The following HMCN1 variants were observed in gnomAD, a reference collection of about 807,000 sequenced individuals.
HMCN1 encodes hemicentin-1.
HMCN1 carries 321 observed loss-of-function variants against 625.9 expected under a neutral mutation model. The ratio of observed to expected loss-of-function variants is 0.51; its 90% confidence interval spans 0.47 to 0.56. The LOEUF is 0.56. HMCN1 is among the 20% of genes least tolerant of loss of function. The pLI, the probability that HMCN1 is intolerant of heterozygous loss-of-function variation, is 0.00. For synonymous variants in HMCN1, 2,425 were observed against 2,417.6 expected (o/e 1.00, Z -0.09); for missense variants, 6,588 against 6,887.3 (o/e 0.96, Z 1.54).
chr1:185,784,374 G>A (rs564375364), intron 1 of HMCN1, among the ~76,000 whole-genome samples: 4 of 152,236 alleles, frequency 2.6e-5, no homozygotes, highest in South Asian at 2.1e-4. Context: ...CCCACTGTCC[G>A]ACAAGCCCCA....
intron 68 of HMCN1, among the ~76,000 whole-genome samples, chr1:186,097,397 A>G (rs982706640): frequency 2.0e-5 from 3 of 152,024 alleles, no homozygotes; most frequent in South Asian, 2.1e-4. Flanking sequence ...CTGTGTATCC[A>G]TGGGTTTCTC....
rs374467924 is a variant in HMCN1, at chr1:186,130,687, A to G, written c.13220A>G (p.Tyr4407Cys). Residue 4407 changes from tyrosine to cysteine, a missense_variant, in exon 85 of 107, where the codon TAT becomes TGT. Tyr to Cys is a radical substitution (Grantham distance 194). This residue lies in a region of HMCN1 where 1,954 missense variants were observed against 2,013.1 expected (regional missense o/e 0.97). Transcript: ENST00000271588. ...CTGGGCAATGGCTCCCTGGCCATCT[A>G]TGGCACTGTTGTAAGTCACGCCAGA... ...RQLGNGSLAI[Y>C]GTVNEDAGDY... 4 of 1,612,510 alleles carry G rather than the reference A, an allele frequency of 2.5e-6. No individual in the cohort carries two copies. Among genetic ancestry groups the G allele is most frequent in the South Asian group, 2.2e-5 (2 of 91,040 alleles).
At chr1:186,011,034 G>GT (rs71101982) in intron 30 of HMCN1, among the ~76,000 whole-genome samples, 148,991 of 151,826 alleles carry the variant, frequency 0.98, 73,092 homozygotes, top group East Asian at 1. Flanking sequence ...TCTGCTACTG[G>GT]TTTTTTTTGT....
In HMCN1 at chr1:186,126,436, TGTCAGAAGAAAATAA is replaced by T. The variant is rs1304860476; in HGVS notation, c.12690+655_12690+669del. On this transcript the variant is annotated intron_variant, in intron 82 of 106. Transcript: ENST00000271588. ...AGACAATAAAAATGAAAAATAGTAA[TGTCAGAAGAAAATAA>T]GTCAGAAGAAAAAAGTGGCATGAAA... Among the ~76,000 whole-genome samples, 89 of 151,872 alleles carry T rather than the reference TGTCAGAAGAAAATAA, an allele frequency of 5.9e-4. 1 individual carries two copies. The highest frequency in any genetic ancestry group is 2.1e-3 in the African/African-American group (85 of 41,346).
intron 77 of HMCN1, 68 bp downstream of exon 77, chr1:186,117,691 C>A (rs747584227): frequency 1.5e-5 from 21 of 1,428,036 alleles, no homozygotes; most frequent in Admixed American, 6.7e-5. Context: ...TCTTACCTGG[C>A]CTTTGTTGCA....
rs142817217 is a variant in HMCN1 at position 186,173,387 on chromosome 1, G to A, written c.15815-1127G>A. Reference sequence around the variant, plus strand: ...TTCAGCTCTTACACTATAGATATAGGTCAATACTTTCCTTATCATTTAAGA... The same window carrying A: ...TTCAGCTCTTACACTATAGATATAGATCAATACTTTCCTTATCATTTAAGA... On this transcript the variant is annotated intron_variant, in intron 102 of 106. Coordinates refer to ENST00000271588, the MANE Select transcript of HMCN1 (RefSeq NM_031935.3). Among the ~76,000 whole-genome samples, 245 of 152,068 alleles carry A rather than the reference G, an allele frequency of 1.6e-3. 1 individual carries two copies. Among genetic ancestry groups the A allele is most frequent in the Non-Finnish European group, 2.9e-3 (196 of 67,956 alleles).
chr1:185,983,375 G>A (rs923689393), intron 18 of HMCN1, among the ~76,000 whole-genome samples: 7 of 151,854 alleles, frequency 4.6e-5, no homozygotes, highest in Admixed American at 1.3e-4. Context: ...GCAGTGAGCC[G>A]AGATCGTGCC....
intron 52 of HMCN1, among the ~76,000 whole-genome samples, chr1:186,071,615 A>G (rs1392244606): frequency 6.6e-6 from 1 of 152,220 alleles, no homozygotes; most frequent in South Asian, 2.1e-4. Context: ...TCAGATCATA[A>G]TCATGATTTA....
intron 11 of HMCN1, among the ~76,000 whole-genome samples, chr1:185,958,756 C>T (rs1649800234): frequency 6.6e-6 from 1 of 152,150 alleles, no homozygotes. Context: ...AATTCCAGCT[C>T]CACCTTTGAG....
chr1:186,017,152 A>G (rs968976952), intron 33 of HMCN1, 81 bp downstream of exon 33: 2 of 787,224 alleles, frequency 2.5e-6, no homozygotes, highest in Non-Finnish European at 2.3e-6. Flanking sequence ...GCTGTTCTGT[A>G]TCATTAAAAA....
Position 185,989,617 on chromosome 1 carries a change from G to A in HMCN1, c.3178G>A (p.Ala1060Thr), listed in dbSNP as rs149692259. The A allele has an allele frequency of 2.2e-5, 36 of 1,613,858 alleles. No homozygotes were observed. In the African/African-American group the frequency reaches 2.8e-4, roughly 13 times the overall value. ...CACTGCCACCAATACAGCCGGCTAC[G>A]CCAAAAGGAAAGTGCAGCTAACAGT... ...VCTATNTAGY[A>T]KRKVQLTVYV... The change falls in exon 21 of 107, where the codon GCC (alanine) becomes ACC (threonine). Residue 1060 changes from alanine to threonine, a missense_variant. Transcript: ENST00000271588.
chr1:185,844,250 T>G, intron 1 of HMCN1, among the ~76,000 whole-genome samples: 1 of 152,174 alleles, frequency 6.6e-6, no homozygotes, highest in Admixed American at 6.5e-5. Context: ...TGGGACATGG[T>G]TAATGACGGT....
chr1:186,015,550 A>G (rs1558145534), intron 31 of HMCN1, 113 bp downstream of exon 31: 3 of 1,000,810 alleles, frequency 3.0e-6, no homozygotes, highest in East Asian at 4.9e-5. Flanking sequence ...TTCAATATGC[A>G]TGGATAGGAA....
At chr1:186,097,147 C>T (rs909945378) in intron 68 of HMCN1, among the ~76,000 whole-genome samples, 2 of 152,104 alleles carry the variant, frequency 1.3e-5, no homozygotes, top group African/African-American at 2.4e-5. Context: ...AAAGACTCCA[C>T]CAGAAAACTC....
chr1:186,078,484 G>C (rs920043757), intron 55 of HMCN1, among the ~76,000 whole-genome samples: 1 of 152,114 alleles, frequency 6.6e-6, no homozygotes, highest in East Asian at 1.9e-4. Flanking sequence ...TCCCAAAATA[G>C]AGCTGGCTAC....
At chr1:185,963,262 G>C (rs916688729) in intron 12 of HMCN1, among the ~76,000 whole-genome samples, 1 of 152,154 alleles carries the variant, frequency 6.6e-6, no homozygotes, top group African/African-American at 2.4e-5. Context: ...GAAGTCATAC[G>C]TGTGATCCAG....
intron 11 of HMCN1, among the ~76,000 whole-genome samples, chr1:185,961,055 A>G (rs904243515): frequency 4.6e-5 from 7 of 152,176 alleles, no homozygotes; most frequent in African/African-American, 1.4e-4. Context: ...AAGTTCATGG[A>G]CCGGAAAAAA....
intron 6 of HMCN1, among the ~76,000 whole-genome samples, chr1:185,912,682 G>A (rs941449298): frequency 3.3e-5 from 5 of 151,960 alleles, no homozygotes; most frequent in African/African-American, 9.7e-5. Context: ...AACACCCCTC[G>A]GGAGCAGCTA....
intron 14 of HMCN1, among the ~76,000 whole-genome samples, chr1:185,969,809 A>C (rs1167482348): frequency 6.6e-6 from 1 of 152,202 alleles, no homozygotes; most frequent in East Asian, 1.9e-4. Flanking sequence ...TTCTTTGGAA[A>C]GGAGATGCCC....
Sources: gnomAD v4.1 joint callset for allele counts (sites outside exome capture counted in the v4.1 genomes callset) on GRCh38, gnomAD v4.1.1 for gene constraint, gnomAD v4.1.1 regional missense constraint, MANE v1.5 for transcripts, NCBI Gene and HGNC (gene_info 2026-07-23, HGNC 2026-07-21) for gene names.